The following CEP162 variants were observed in gnomAD, a reference collection of about 807,000 sequenced individuals.
The protein encoded by CEP162 is centrosomal protein 162, also known as centrosomal protein of 162 kDa.
In CEP162, 141 loss-of-function variants were observed where a neutral mutation model predicts 169.2. The ratio of observed to expected loss-of-function variants is 0.83; its 90% CI spans 0.73 to 0.96. CEP162 has a LOEUF of 0.96. CEP162 is among the 40% of genes least tolerant of loss of function. CEP162 has a pLI of 0.00. For synonymous variants in CEP162, 540 were observed against 526.4 expected (o/e 1.03, Z -0.35); for missense variants, 1,600 against 1,587.2 (o/e 1.01, Z -0.14).
At chr6:84,185,675 A>T (rs2099536850) in intron 12 of CEP162, among the ~76,000 whole-genome samples, 1 of 151,624 alleles carries the variant, frequency 6.6e-6, no homozygotes, top group Non-Finnish European at 1.5e-5. Context: ...TAATAAAGCA[A>T]AATTAGCTTG....
intron 10 of CEP162, among the ~76,000 whole-genome samples, chr6:84,193,967 T>G (rs2099540988): frequency 6.6e-6 from 1 of 152,218 alleles, no homozygotes; most frequent in Non-Finnish European, 1.5e-5. Context: ...CCTGAAATAC[T>G]GTTGTCTAAC....
At chr6:84,166,347 TTCC>T (rs753279708) in intron 18 of CEP162, among the ~76,000 whole-genome samples, 3 of 152,340 alleles carry the variant, frequency 2.0e-5, no homozygotes, top group Middle Eastern at 3.4e-3. Flanking sequence ...TGGCTGGCTG[TTCC>T]TCCTCTTCAG....
chr6:84,151,454 T>C (rs75814726), intron 23 of CEP162, among the ~76,000 whole-genome samples: 7,312 of 151,978 alleles, frequency 0.048, 601 homozygotes, highest in African/African-American at 0.17. Flanking sequence ...GGGGAACTAA[T>C]TTACAGGTAA....
In CEP162 at chr6:84,204,048, G is replaced by GTCAACGGTGCA; in HGVS notation, c.609_619dup (p.Thr207MetfsTer4). ...GGAAGGCATCTCTTCATCTTTAGTA[G>GTCAACGGTGCA]TCAACGGTGCACCAACATACTCATC... On this transcript the variant is annotated stop_gained and frameshift_variant, in exon 7 of 27. Transcript: ENST00000403245. LOFTEE classifies it high-confidence loss of function. 1 of 1,610,430 alleles carries GTCAACGGTGCA rather than the reference G, an allele frequency of 6.2e-7. No individual in the cohort carries two copies. Among genetic ancestry groups the GTCAACGGTGCA allele is most frequent in the Non-Finnish European group, 8.5e-7 (1 of 1,178,432 alleles).
In CEP162 at chr6:84,201,035, T is replaced by G. The variant is rs1434565294; in HGVS notation, c.719-130A>C. ...GGCTCACGCCTGTAATCCCAGCACT[T>G]TGGGAGGCCAAGGCGGGCAGATCAC... On this transcript the variant is annotated intron_variant, in intron 8 of 26. Coordinates refer to ENST00000403245, the MANE Select transcript of CEP162 (RefSeq NM_014895.4). 3 of 427,662 alleles carry G rather than the reference T, an allele frequency of 7.0e-6. No individual in the cohort carries two copies. In the East Asian group the frequency reaches 1.2e-4, roughly 17 times the overall value. 26.5% of individuals were successfully genotyped at this position (427,662 alleles called of 1,614,324 possible).
intron 9 of CEP162, among the ~76,000 whole-genome samples, chr6:84,200,567 T>C (rs1281399409): frequency 1.3e-5 from 2 of 152,220 alleles, no homozygotes; most frequent in African/African-American, 4.8e-5. Flanking sequence ...ATTCATTTAT[T>C]AACAAATATT....
rs2099536673 is a variant in CEP162 at position 84,185,333 on chromosome 6, AATCCACTCTGGG to A, written c.1505_1516del (p.Pro502_Gly505del). 6.2e-7 allele frequency: 1 copy of A among 1,613,524 alleles called. No individual in the cohort carries two copies. Among genetic ancestry groups the A allele is most frequent in the South Asian group, 1.1e-5 (1 of 91,020 alleles). On this transcript the variant is annotated inframe_deletion, in exon 13 of 27. Coordinates refer to ENST00000403245, the MANE Select transcript of CEP162 (RefSeq NM_014895.4). ...GCCTGAGCTCCTAACTGACGCATAT[AATCCACTCTGGG>A]GTTTCCTTTTAAGTAAAGGAGGTGC... is the stretch of plus-strand genomic sequence containing the variant.
chr6:84,140,543 G>A (rs553378814), intron 25 of CEP162, among the ~76,000 whole-genome samples: 1 of 152,088 alleles, frequency 6.6e-6, no homozygotes, highest in Non-Finnish European at 1.5e-5. Context: ...TTTGTTTTTC[G>A]TAGAGACAGG....
chr6:84,142,436 T>C (rs1588715385), intron 25 of CEP162, among the ~76,000 whole-genome samples: 1 of 152,200 alleles, frequency 6.6e-6, no homozygotes, highest in African/African-American at 2.4e-5. Context: ...ATACATTTTT[T>C]TTCTACCTTT....
chr6:84,207,104 C>T (rs189659787), intron 6 of CEP162, among the ~76,000 whole-genome samples: 11 of 152,312 alleles, frequency 7.2e-5, no homozygotes, highest in East Asian at 1.9e-4. Context: ...GAAACAGGAA[C>T]GCTTTTACAC....
intron 3 of CEP162, among the ~76,000 whole-genome samples, chr6:84,217,394 T>C (rs2099551979): frequency 6.6e-6 from 1 of 152,174 alleles, no homozygotes; most frequent in Admixed American, 6.5e-5. Flanking sequence ...ACACGTGAGC[T>C]ATGGCTTGGT....
rs374854138 is a variant in CEP162 at position 84,186,493 on chromosome 6, T to C, written c.1240A>G (p.Ile414Val). Residue 414 changes from isoleucine (I) to valine (V), a missense_variant, in exon 12 of 27, where the codon ATT (isoleucine) becomes GTT (valine). Ile to Val is a conservative substitution (Grantham distance 29). Coordinates refer to ENST00000403245, the MANE Select transcript of CEP162 (RefSeq NM_014895.4). The part of the protein sequence containing the change: ...LFFDKNDENV[I>V]LQKTTNESME... ...CTCTCATTTGTGGTCTTTTGTAAAA[T>C]CACATTCTCATCATTTTTGTCAAAA... The C allele has an allele frequency of 8.1e-6, 13 of 1,613,240 alleles. No homozygotes were observed. The African/African-American group carries it at 1.7e-4, about 22-fold the overall frequency.
At position 84,190,591 on chromosome 6, in the gene CEP162, C is replaced by T. The variant is rs150141405; in HGVS notation, c.1109+3018G>A. On this transcript the variant is annotated intron_variant, in intron 11 of 26. Transcript: ENST00000403245. ...CCGGGAGGGAACGAACAACTCCAGA[C>T]GCGCTGCCTTAAGAGCTGTAACACT... is the stretch of plus-strand genomic sequence containing the variant. 4.6e-3 allele frequency among the ~76,000 whole-genome samples: 696 copies of T among 152,070 alleles called. 7 individuals are homozygous for T. In the South Asian group the frequency reaches 0.057, roughly 13 times the overall value.
intron 21 of CEP162, among the ~76,000 whole-genome samples, chr6:84,160,383 G>A (rs1356621630): frequency 1.3e-5 from 2 of 152,104 alleles, no homozygotes; most frequent in Non-Finnish European, 2.9e-5. Context: ...CAGCTCTTTG[G>A]GAAGCTGAAT....
At chr6:84,178,300 C>T (rs1037860192) in intron 13 of CEP162, among the ~76,000 whole-genome samples, 8 of 150,942 alleles carry the variant, frequency 5.3e-5, no homozygotes, top group African/African-American at 2.0e-4. Flanking sequence ...AAGATGCATA[C>T]GGACATATTT....
intron 16 of CEP162, among the ~76,000 whole-genome samples, chr6:84,173,079 T>C (rs2099530856): frequency 1.3e-5 from 2 of 152,194 alleles, no homozygotes; most frequent in African/African-American, 2.4e-5. Context: ...CAGATTCATA[T>C]TTCTGAATAT....
At chr6:84,212,616 A>G (rs927824424) in intron 6 of CEP162, among the ~76,000 whole-genome samples, 3 of 151,936 alleles carry the variant, frequency 2.0e-5, no homozygotes, top group African/African-American at 7.2e-5. Context: ...AAAAGCAACA[A>G]AAACAAGAAG....
intron 11 of CEP162, among the ~76,000 whole-genome samples, chr6:84,193,298 A>G (rs1365449064): frequency 6.6e-6 from 1 of 152,238 alleles, no homozygotes; most frequent in African/African-American, 2.4e-5. Context: ...CATAAACATA[A>G]TAAAATTCAC....
At chr6:84,137,643 TC>T (rs2099514729) in intron 25 of CEP162, among the ~76,000 whole-genome samples, 1 of 152,126 alleles carries the variant, frequency 6.6e-6, no homozygotes, top group African/African-American at 2.4e-5. Flanking sequence ...TCCTTAGTTA[TC>T]CATAGGGATC....
Sources: allele counts gnomAD v4.1 joint callset (sites outside exome capture counted in the v4.1 genomes callset), GRCh38; gene constraint gnomAD v4.1.1; transcripts MANE v1.5; gene names NCBI Gene and HGNC (gene_info 2026-07-23, HGNC 2026-07-21).